Variants in CADM3 observed in about 807,000 individuals in gnomAD.
The protein encoded by CADM3 is cell adhesion molecule 3.
Under a neutral mutation model 44.9 loss-of-function variants are expected in CADM3, and 11 were observed. The observed-to-expected ratio is 0.25, with a 90% confidence interval of 0.15 to 0.41. The LOEUF is 0.41. Among genes scored for constraint, CADM3 ranks in the 10% least tolerant of loss-of-function variants. The probability of loss-of-function intolerance (pLI) is 1.00; values close to 1 mark genes in which losing one functional copy is unlikely to be tolerated. For synonymous variants in CADM3, 207 were observed against 205.2 expected, an observed-to-expected ratio of 1.01 and a Z score of -0.08; for missense variants, 426 against 512.0, an observed-to-expected ratio of 0.83 and a Z score of 1.62.
chr1:159,173,051 G>C (rs1428313175), intron 1 of CADM3, among the ~76,000 whole-genome samples: 2 of 152,116 alleles, frequency 1.3e-5, no homozygotes, highest in South Asian at 2.1e-4. Flanking sequence ...TGGAGGAAGG[G>C]GGAGAGGGAA....
At chr1:159,200,628 T>C (rs1226832355) in intron 8 of CADM3, among the ~76,000 whole-genome samples, 176 bp from the exon 9 acceptor site, 2 of 152,122 alleles carry the variant, frequency 1.3e-5, no homozygotes, top group Admixed American at 6.5e-5. Context: ...AAGGGTGTGG[T>C]CAGGTGAGGC....
At position 159,200,831 on chromosome 1, in the gene CADM3, G is replaced by T; in HGVS notation, c.1106G>T (p.Gly369Val). The change falls in exon 9 of 9, where the codon GGC becomes GTC. Residue 369 changes from glycine to valine, a missense_variant. Physicochemically the swap from Gly to Val is moderately radical, Grantham distance 109. Around this residue, in one of 2 missense-constraint regions of CADM3, gnomAD observed 362 missense variants for 474.6 expected, o/e 0.76. Transcript: ENST00000368125. ...KGTYLTHEAKGSDDAPDADTA... is the reference protein window; with the variant it reads ...KGTYLTHEAKVSDDAPDADTA... The stretch of plus-strand genomic sequence containing the variant: ...ACCTACCTGACACATGAGGCAAAAG[G>T]CTCCGACGATGCTCCAGACGCGGAC... 1 of 1,609,022 alleles carries T rather than the reference G, an allele frequency of 6.2e-7. No individual in the cohort carries two copies. The highest frequency in any genetic ancestry group is 8.5e-7 in the Non-Finnish European group (1 of 1,177,414).
At chr1:159,184,877 T>G (rs1421513966) in intron 1 of CADM3, among the ~76,000 whole-genome samples, 1 of 152,118 alleles carries the variant, frequency 6.6e-6, no homozygotes, top group Non-Finnish European at 1.5e-5. Flanking sequence ...ATTCTCCAAT[T>G]CCCACCTCTG....
chr1:159,198,407 A>G (rs1207642099), intron 7 of CADM3, among the ~76,000 whole-genome samples: 1 of 152,124 alleles, frequency 6.6e-6, no homozygotes, highest in Non-Finnish European at 1.5e-5. Flanking sequence ...GAGAGACAGC[A>G]GGTAACTCAC....
intron 1 of CADM3, among the ~76,000 whole-genome samples, chr1:159,186,696 G>C (rs1649433102): frequency 6.6e-6 from 1 of 152,068 alleles, no homozygotes; most frequent in Non-Finnish European, 1.5e-5. Context: ...TATTATACAG[G>C]CTTACAATTT....
chr1:159,194,384 G>A (rs1177905371), intron 5 of CADM3: 1 of 194,906 alleles, frequency 5.1e-6, no homozygotes, highest in Non-Finnish European at 1.1e-5. Flanking sequence ...GGTCCAAGGG[G>A]ATACCAACCC....
At chr1:159,189,273 A>C (rs1649550479) in intron 1 of CADM3, among the ~76,000 whole-genome samples, 1 of 152,176 alleles carries the variant, frequency 6.6e-6, no homozygotes. Flanking sequence ...CCTTGTACTT[A>C]TTTTACAGGT....
intron 1 of CADM3, among the ~76,000 whole-genome samples, chr1:159,184,461 T>C (rs994911712): frequency 2.6e-5 from 4 of 152,212 alleles, no homozygotes; most frequent in Non-Finnish European, 5.9e-5. Flanking sequence ...ACCATCATCA[T>C]CAACTCCTAC....
At chr1:159,189,975 C>A in intron 1 of CADM3, 2 of 742,274 alleles carry the variant, frequency 2.7e-6, no homozygotes, top group South Asian at 1.8e-5. Context: ...TCACTCCTCT[C>A]ATTACCACAC....
At chr1:159,187,615 T>A (rs563817227) in intron 1 of CADM3, among the ~76,000 whole-genome samples, 18 of 152,280 alleles carry the variant, frequency 1.2e-4, no homozygotes, top group African/African-American at 4.1e-4. Flanking sequence ...CTCCACTCAT[T>A]TGAGCAAAGG....
intron 8 of CADM3, among the ~76,000 whole-genome samples, chr1:159,200,516 A>ACACGCATGCAT (rs1650126802): frequency 1.5e-5 from 1 of 66,648 alleles, no homozygotes; most frequent in South Asian, 5.5e-4. Flanking sequence ...GCATGCGTGC[A>ACACGCATGCAT]AGCACACACA....
intron 7 of CADM3, chr1:159,197,450 T>C (rs2102134059): frequency 5.3e-6 from 1 of 187,248 alleles, no homozygotes; most frequent in African/African-American, 2.4e-5. Flanking sequence ...CTCCTAAGAC[T>C]AGGTATTGGG....
intron 5 of CADM3, 64 bp from the exon 6 acceptor site, chr1:159,196,300 T>G (rs1649887701): frequency 7.7e-7 from 1 of 1,303,438 alleles, no homozygotes; most frequent in Non-Finnish European, 1.1e-6. Context: ...AGTGTGCAAC[T>G]AAGTGAGGGA....
chr1:159,190,759 AAGGTAGGTGCC>A (rs1649623260), intron 1 of CADM3, among the ~76,000 whole-genome samples: 2 of 152,248 alleles, frequency 1.3e-5, no homozygotes. Flanking sequence ...AGGCAGGGGT[AAGGTAGGTGCC>A]AAAGGGAGCA....
At chr1:159,200,726 G>A in intron 8 of CADM3, 78 bp from the exon 9 acceptor site, 1 of 1,005,574 alleles carries the variant, frequency 9.9e-7, no homozygotes, top group Non-Finnish European at 1.5e-6. Flanking sequence ...GTGTGAGTGG[G>A]TGGGTGAGAA....
At chr1:159,199,961 G>A in intron 8 of CADM3, 85 bp downstream of exon 8, 1 of 1,516,250 alleles carries the variant, frequency 6.6e-7, no homozygotes, top group Non-Finnish European at 9.0e-7. Flanking sequence ...AGCAGACAGT[G>A]GAAAGGGCCT....
intron 1 of CADM3, among the ~76,000 whole-genome samples, chr1:159,172,236 G>C (rs764607833): frequency 1.3e-5 from 2 of 152,092 alleles, no homozygotes; most frequent in African/African-American, 2.4e-5. Flanking sequence ...GTGTGTGTTG[G>C]GGGCGGAGTG....
intron 1 of CADM3, among the ~76,000 whole-genome samples, chr1:159,189,150 G>C (rs1212620902): frequency 1.3e-5 from 2 of 152,162 alleles, no homozygotes; most frequent in Non-Finnish European, 2.9e-5. Context: ...GAAACAAATA[G>C]AGCTTTGTAT....
chr1:159,183,611 T>A (rs1649314539), intron 1 of CADM3, among the ~76,000 whole-genome samples: 2 of 151,846 alleles, frequency 1.3e-5, no homozygotes, highest in Non-Finnish European at 2.9e-5. Flanking sequence ...GGAAAGGAGA[T>A]CCTTTAGGAG....
Sources: gnomAD v4.1 joint callset for allele counts (sites outside exome capture counted in the v4.1 genomes callset) on GRCh38, gnomAD v4.1.1 for gene constraint, gnomAD v4.1.1 regional missense constraint, MANE v1.5 for transcripts, NCBI Gene and HGNC (gene_info 2026-07-23, HGNC 2026-07-21) for gene names.